The following GPC6 variants were observed in gnomAD, a reference collection of about 807,000 sequenced individuals.
GPC6 encodes the protein glypican 6, also known as glypican-6.
GPC6 carries 14 observed loss-of-function variants against 55.2 expected under a neutral mutation model. The observed-to-expected ratio is 0.25, with a 90% CI of 0.17 to 0.40. The LOEUF (loss-of-function observed/expected upper bound fraction) is 0.40, where lower values mean the gene tolerates loss of function less well. Ranked by LOEUF, GPC6 falls within the 10% of genes least tolerant of loss-of-function variation. GPC6 has a pLI of 1.00. For synonymous variants in GPC6, 278 were observed against 259.6 expected, an observed-to-expected ratio of 1.07 and a Z score of -0.68; for missense variants, 641 against 708.5, an observed-to-expected ratio of 0.90 and a Z score of 1.08.
chr13:93,324,083 C>A (rs974204468), intron 1 of GPC6, among the ~76,000 whole-genome samples: 1 of 152,038 alleles, frequency 6.6e-6, no homozygotes, highest in Non-Finnish European at 1.5e-5. Flanking sequence ...AAATGTGGTA[C>A]ATATACATAG....
chr13:93,808,366 G>A (rs1886598497), intron 2 of GPC6, among the ~76,000 whole-genome samples: 1 of 152,030 alleles, frequency 6.6e-6, no homozygotes, highest in South Asian at 2.1e-4. Context: ...AATTTAACAG[G>A]TATACACAAA....
intron 1 of GPC6, among the ~76,000 whole-genome samples, chr13:93,309,768 G>A (rs1246649440): frequency 6.6e-6 from 1 of 152,164 alleles, no homozygotes; most frequent in Admixed American, 6.5e-5. Flanking sequence ...TATAATGTAC[G>A]TAGTAATGTT....
chr13:94,215,567 G>A (rs1489767073), intron 4 of GPC6, among the ~76,000 whole-genome samples: 1 of 152,046 alleles, frequency 6.6e-6, no homozygotes, highest in African/African-American at 2.4e-5. Context: ...GCAATATCCT[G>A]ACATATGTCT....
intron 4 of GPC6, among the ~76,000 whole-genome samples, chr13:94,237,892 A>G (rs1158145783): frequency 6.6e-6 from 1 of 152,164 alleles, no homozygotes; most frequent in East Asian, 1.9e-4. Context: ...CAAAAATGAA[A>G]ACAAGGAGCT....
At chr13:93,361,880 G>T (rs1284860327) in intron 1 of GPC6, among the ~76,000 whole-genome samples, 1 of 152,132 alleles carries the variant, frequency 6.6e-6, no homozygotes, top group Non-Finnish European at 1.5e-5. Flanking sequence ...ATCACAACTG[G>T]GAGAATTTCA....
chr13:94,392,218 T>G (rs7981994), intron 7 of GPC6, among the ~76,000 whole-genome samples: 88,149 of 151,110 alleles, frequency 0.58, 26,065 homozygotes, highest in African/African-American at 0.67. Flanking sequence ...AAGCCAATAG[T>G]TCTGAGAAAT....
At chr13:93,563,309 C>T (rs1339213588) in intron 2 of GPC6, among the ~76,000 whole-genome samples, 2 of 152,134 alleles carry the variant, frequency 1.3e-5, no homozygotes, top group East Asian at 1.9e-4. Flanking sequence ...AGTGGGAAAA[C>T]AGTATTTGGG....
At chr13:94,116,867 G>A (rs1021908289) in intron 4 of GPC6, among the ~76,000 whole-genome samples, 3 of 152,036 alleles carry the variant, frequency 2.0e-5, no homozygotes, top group African/African-American at 7.2e-5. Flanking sequence ...GGTTAGGTGA[G>A]CATGTTAACA....
chr13:94,112,923 T>C (rs770857699), intron 4 of GPC6, among the ~76,000 whole-genome samples: 58 of 152,268 alleles, frequency 3.8e-4, no homozygotes, highest in Admixed American at 1.2e-3. Context: ...AATGCTCTGC[T>C]AGCTCCTCCT....
chr13:93,315,041 A>G (rs1202766345), intron 1 of GPC6, among the ~76,000 whole-genome samples: 3 of 152,154 alleles, frequency 2.0e-5, no homozygotes, highest in Non-Finnish European at 4.4e-5. Flanking sequence ...TTGGTTTGAA[A>G]GATGGTTAAA....
chr13:93,840,996 G>C (rs747088759), intron 3 of GPC6, among the ~76,000 whole-genome samples: 7 of 152,070 alleles, frequency 4.6e-5, no homozygotes, highest in Non-Finnish European at 1.0e-4. Flanking sequence ...CCTATGAGAG[G>C]GTTCTGTGAA....
chr13:93,952,444 A>G (rs1447438319), intron 3 of GPC6, among the ~76,000 whole-genome samples: 1 of 152,092 alleles, frequency 6.6e-6, no homozygotes. Context: ...TTGAGTTTTA[A>G]TTTCCTTATA....
rs552941924 is a variant in GPC6, at chr13:93,866,751, GA to G, written c.711+36211del. On this transcript the variant is annotated intron_variant, in intron 3 of 8. Coordinates refer to ENST00000377047, the MANE Select transcript of GPC6 (RefSeq NM_005708.5). ...AGAGTGGGAGTAGGGAGAAAATCAG[GA>G]AAAATAATTAATGGGTACCAGGCTA... Among the ~76,000 whole-genome samples the G allele has an allele frequency of 2.7e-3, 409 of 151,668 alleles. 1 individual carries two copies. Among genetic ancestry groups the G allele is most frequent in the Non-Finnish European group, 2.4e-3 (163 of 67,760 alleles).
chr13:94,047,958 T>A (rs1291904013), intron 4 of GPC6, among the ~76,000 whole-genome samples: 1 of 152,082 alleles, frequency 6.6e-6, no homozygotes, highest in Non-Finnish European at 1.5e-5. Flanking sequence ...TTTCACAGAT[T>A]TATTTCACAC....
chr13:93,323,217 T>C (rs1005747009), intron 1 of GPC6, among the ~76,000 whole-genome samples: 2 of 152,228 alleles, frequency 1.3e-5, no homozygotes, highest in African/African-American at 4.8e-5. Flanking sequence ...AAAGTGTCTT[T>C]ATTAATATTT....
intron 4 of GPC6, among the ~76,000 whole-genome samples, chr13:94,223,961 T>G (rs1395326620): frequency 6.6e-6 from 1 of 152,160 alleles, no homozygotes; most frequent in African/African-American, 2.4e-5. Context: ...TGCCTTCTTG[T>G]TTCGGCTGTC....
At chr13:93,526,980 A>G (rs1881670328) in intron 1 of GPC6, among the ~76,000 whole-genome samples, 1 of 152,114 alleles carries the variant, frequency 6.6e-6, no homozygotes, top group African/African-American at 2.4e-5. Flanking sequence ...AACATGAAGG[A>G]AAAGCTGTGA....
intron 4 of GPC6, among the ~76,000 whole-genome samples, chr13:94,221,189 C>T (rs1045937967): frequency 1.3e-5 from 2 of 152,040 alleles, no homozygotes; most frequent in African/African-American, 2.4e-5. Context: ...AGACCTATAT[C>T]CATAAACAGC....
chr13:94,127,676 A>G (rs970906603), intron 4 of GPC6, among the ~76,000 whole-genome samples: 2 of 152,198 alleles, frequency 1.3e-5, no homozygotes, highest in African/African-American at 4.8e-5. Context: ...ACAAATGGGC[A>G]GATAATATTT....
Sources: allele counts gnomAD v4.1 joint callset (sites outside exome capture counted in the v4.1 genomes callset), GRCh38; gene constraint gnomAD v4.1.1; transcripts MANE v1.5; gene names NCBI Gene and HGNC (gene_info 2026-07-23, HGNC 2026-07-21).